LINGO2: variants seen among roughly 807,000 people sequenced by gnomAD.
The protein encoded by LINGO2 is leucine-rich repeat and immunoglobulin-like domain-containing nogo receptor-interacting protein 2.
LINGO2 carries 14 observed loss-of-function variants against 30.6 expected under a neutral mutation model. That is an observed-to-expected ratio of 0.46 (90% CI 0.30 to 0.72). LINGO2 has a LOEUF of 0.72. Among genes scored for constraint, LINGO2 ranks in the 30% least tolerant of loss-of-function variants. The pLI, the probability that LINGO2 is intolerant of heterozygous loss-of-function variation, is 0.07. For synonymous variants in LINGO2, 317 were observed against 288.5 expected, an observed-to-expected ratio of 1.10 and a Z score of -1.00; for missense variants, 729 against 751.7, an observed-to-expected ratio of 0.97 and a Z score of 0.35.
At chr9:28,287,128 C>A (rs956463635) in intron 4 of LINGO2, among the ~76,000 whole-genome samples, 1 of 152,154 alleles carries the variant, frequency 6.6e-6, no homozygotes, top group East Asian at 1.9e-4. Flanking sequence ...TATCACACTT[C>A]CCCAAGTCTG....
intron 4 of LINGO2, among the ~76,000 whole-genome samples, chr9:28,287,556 G>A (rs1823559766): frequency 6.6e-6 from 1 of 152,148 alleles, no homozygotes; most frequent in Non-Finnish European, 1.5e-5. Context: ...AAGTAAGCTA[G>A]GTTTGCTTTC....
chr9:28,503,580 A>G (rs7034070), intron 1 of LINGO2, among the ~76,000 whole-genome samples: 31,518 of 151,936 alleles, frequency 0.21, 3,544 homozygotes, highest in Non-Finnish European at 0.25. Flanking sequence ...TGAAAAAAAA[A>G]TTGTTATTTA....
At chr9:28,237,115 T>TG (rs1375100036) in intron 4 of LINGO2, among the ~76,000 whole-genome samples, 12 of 38,038 alleles carry the variant, frequency 3.2e-4, no homozygotes, top group African/African-American at 1.3e-3. Flanking sequence ...AGTTAAACAG[T>TG]GCGGGGGGGG....
At chr9:28,350,353 G>T (rs1233871481) in intron 3 of LINGO2, among the ~76,000 whole-genome samples, 1 of 145,190 alleles carries the variant, frequency 6.9e-6, no homozygotes, top group Non-Finnish European at 1.5e-5. Context: ...TGCAATCCTA[G>T]TCTCTGATAA....
chr9:28,254,784 T>A (rs779048847), intron 4 of LINGO2, among the ~76,000 whole-genome samples: 1 of 152,128 alleles, frequency 6.6e-6, no homozygotes, highest in African/African-American at 2.4e-5. Context: ...AACTTTTAAG[T>A]TCAGGGGTAC....
At chr9:28,888,841 G>A in the LINGO2 span, 1 of 531,906 alleles carries the variant, frequency 1.9e-6, no homozygotes, top group East Asian at 5.5e-5. Flanking sequence ...GCCATAAAAT[G>A]TTGTCCATTG....
intron 4 of LINGO2, among the ~76,000 whole-genome samples, chr9:28,230,518 T>C (rs758323885): frequency 2.6e-5 from 4 of 151,900 alleles, no homozygotes; most frequent in African/African-American, 4.8e-5. Context: ...TCTTAACTAA[T>C]TTAAAATATA....
chr9:28,166,294 G>C (rs754223776), intron 4 of LINGO2, among the ~76,000 whole-genome samples: 1 of 152,166 alleles, frequency 6.6e-6, no homozygotes, highest in African/African-American at 2.4e-5. Context: ...AGCTGAACTT[G>C]TTTTCTGGAG....
the LINGO2 span, among the ~76,000 whole-genome samples, chr9:29,020,407 C>T: frequency 2.6e-5 from 4 of 152,062 alleles, no homozygotes; most frequent in African/African-American, 9.7e-5. Context: ...AATCCATACC[C>T]AGGTATAATG....
intron 3 of LINGO2, among the ~76,000 whole-genome samples, chr9:28,308,070 G>GA (rs1824443803): frequency 6.8e-6 from 1 of 146,990 alleles, no homozygotes; most frequent in African/African-American, 2.5e-5. Flanking sequence ...CACAGAATTG[G>GA]AAAAAACTAC....
the LINGO2 span, among the ~76,000 whole-genome samples, chr9:29,048,631 A>T: frequency 2.6e-5 from 4 of 152,112 alleles, no homozygotes; most frequent in African/African-American, 9.7e-5. Flanking sequence ...AGACATAGGC[A>T]AATGGAACAG....
intron 4 of LINGO2, among the ~76,000 whole-genome samples, chr9:28,260,218 G>C (rs1822517872): frequency 6.6e-6 from 1 of 151,126 alleles, no homozygotes; most frequent in African/African-American, 2.4e-5. Flanking sequence ...ACTACTCAAA[G>C]TGGACAAATG....
the LINGO2 span, among the ~76,000 whole-genome samples, chr9:28,965,002 GAAGAT>G: frequency 2.3e-4 from 35 of 151,848 alleles, no homozygotes; most frequent in Admixed American, 1.3e-3. Context: ...TTTAAAAATA[GAAGAT>G]AAGAGAATAA....
chr9:27,941,602 A>G, the LINGO2 span: 1 of 151,882 alleles, frequency 6.6e-6, no homozygotes. Flanking sequence ...TTCCTTCTCT[A>G]CCTCCTCCTC....
the LINGO2 span, among the ~76,000 whole-genome samples, chr9:29,163,755 C>G: frequency 5.3e-5 from 8 of 152,098 alleles, no homozygotes; most frequent in Admixed American, 3.9e-4. Flanking sequence ...ATTTCTGAGT[C>G]AAAACACTTC....
At position 28,506,399 on chromosome 9, in the gene LINGO2, CATATATATATATATAT is replaced by C. The variant is rs371821368; in HGVS notation, c.-364-30390_-364-30375del. Among the ~76,000 whole-genome samples the C allele has an allele frequency of 9.8e-3, 256 of 26,138 alleles. 3 individuals are homozygous for C. Among genetic ancestry groups the C allele is most frequent in the African/African-American group, 0.018 (238 of 13,056 alleles). 17.1% of individuals were successfully genotyped at this position (26,138 alleles called of 152,430 possible). ...TAGTTTTAATTGAGGGCTTCTTAGACATATATATATATATATATATATACACACACACACACACACA... is the reference window on the plus strand; with the variant it reads ...TAGTTTTAATTGAGGGCTTCTTAGACATATATACACACACACACACACACA... On this transcript the variant is annotated intron_variant, in intron 1 of 5. Coordinates refer to ENST00000379992, the Ensembl canonical transcript of LINGO2.
the LINGO2 span, among the ~76,000 whole-genome samples, chr9:29,053,364 T>C: frequency 3.9e-5 from 6 of 152,252 alleles, no homozygotes; most frequent in East Asian, 1.2e-3. Context: ...TGGTGTGTGA[T>C]GTTCCCCTTC....
rs145601392 is a variant in LINGO2 at position 28,631,959 on chromosome 9, T to G, written c.-365+38241A>C. ...AAAATAAACTGATAATAAGACAGAG[T>G]CTATACATTCCTAAAGATCATAGGT... On this transcript the variant is annotated intron_variant, in intron 1 of 5. Coordinates refer to ENST00000379992, the Ensembl canonical transcript of LINGO2. Among the ~76,000 whole-genome samples, 1,176 of 152,084 alleles carry G rather than the reference T, an allele frequency of 7.7e-3. 3 individuals carry two copies. Among genetic ancestry groups the G allele is most frequent in the Non-Finnish European group, 0.012 (823 of 67,970 alleles).
intron 4 of LINGO2, among the ~76,000 whole-genome samples, chr9:28,175,863 A>G (rs1828736048): frequency 6.6e-6 from 1 of 152,176 alleles, no homozygotes; most frequent in Non-Finnish European, 1.5e-5. Flanking sequence ...ATAACTCAAG[A>G]CAACTCTGGA....
Sources: gnomAD v4.1 joint callset for allele counts (sites outside exome capture counted in the v4.1 genomes callset) on GRCh38, gnomAD v4.1.1 for gene constraint, MANE v1.5 for transcripts, NCBI Gene and HGNC (gene_info 2026-07-23, HGNC 2026-07-21) for gene names.